The following RAP1A variants were observed in gnomAD, a reference collection of about 807,000 sequenced individuals.
RAP1A encodes the protein RAP1A, member of RAS oncogene family, also known as ras-related protein Rap-1A.
In RAP1A, 6 loss-of-function variants were observed where a neutral mutation model predicts 26.4. That is an observed-to-expected ratio of 0.23 (90% CI 0.12 to 0.45). The LOEUF is 0.45. Ranked by LOEUF, RAP1A falls within the 20% of genes least tolerant of loss-of-function variation. RAP1A has a pLI of 0.99. For synonymous variants in RAP1A, 73 were observed against 79.4 expected, an observed-to-expected ratio of 0.92 and a Z score of 0.43; for missense variants, 121 against 217.2, an observed-to-expected ratio of 0.56 and a Z score of 2.78.
At chr1:111,630,944 A>G (rs1359751146) in intron 1 of RAP1A, among the ~76,000 whole-genome samples, 1 of 152,222 alleles carries the variant, frequency 6.6e-6, no homozygotes, top group Admixed American at 6.5e-5. Context: ...TAGTTTTTCT[A>G]GACATACAGA....
intron 5 of RAP1A, 43 bp from the exon 6 acceptor site, chr1:111,704,300 A>T: frequency 6.3e-7 from 1 of 1,594,788 alleles, no homozygotes; most frequent in East Asian, 2.2e-5. Context: ...AGGCTAAGTA[A>T]TGAGTATGTT....
chr1:111,639,111 G>T (rs572450086), intron 1 of RAP1A, among the ~76,000 whole-genome samples: 6 of 151,744 alleles, frequency 4.0e-5, no homozygotes, highest in Non-Finnish European at 7.4e-5. Flanking sequence ...TGCTATCAAG[G>T]TTTTATTCTT....
At chr1:111,588,477 A>T (rs1296611075) in intron 1 of RAP1A, among the ~76,000 whole-genome samples, 1 of 152,206 alleles carries the variant, frequency 6.6e-6, no homozygotes, top group African/African-American at 2.4e-5. Flanking sequence ...GGATGGAATT[A>T]AAACATGGAA....
At chr1:111,638,867 CT>C (rs201185076) in intron 1 of RAP1A, among the ~76,000 whole-genome samples, 23,006 of 145,438 alleles carry the variant, frequency 0.16, 1,779 homozygotes, top group South Asian at 0.19. Context: ...TGGTTTTTAT[CT>C]TTTTTTTTTT....
intron 1 of RAP1A, among the ~76,000 whole-genome samples, chr1:111,625,477 A>G (rs1659369850): frequency 6.6e-6 from 1 of 152,202 alleles, no homozygotes; most frequent in Non-Finnish European, 1.5e-5. Flanking sequence ...TACATTTCAG[A>G]TATGTCAGAT....
intron 1 of RAP1A, among the ~76,000 whole-genome samples, chr1:111,585,533 C>T (rs1475983896): frequency 2.0e-5 from 3 of 151,722 alleles, no homozygotes; most frequent in Non-Finnish European, 4.4e-5. Context: ...TCTGAGCCAT[C>T]AAGCCATTAT....
chr1:111,715,740 T>A lies in RAP1A; in HGVS notation c.*3339T>A, dbSNP rs1363392575. Reference sequence around the variant, plus strand: ...TAATGTACTTGGAAAAGTTAATACTTATAGAAAATAATGATCTTTATTACC... The same window carrying A: ...TAATGTACTTGGAAAAGTTAATACTAATAGAAAATAATGATCTTTATTACC... On this transcript the variant is annotated 3_prime_UTR_variant, in exon 8 of 8. Coordinates refer to ENST00000369709, the MANE Select transcript of RAP1A (RefSeq NM_002884.4). 6.6e-6 allele frequency: 1 copy of A among 152,216 alleles called. No individual in the cohort carries two copies. The highest frequency in any genetic ancestry group is 1.5e-5 in the Non-Finnish European group (1 of 68,040). The allele number at this position is 152,216 out of a possible 1,614,324, so 9.4% of individuals were successfully genotyped here. A position where few individuals can be genotyped will look rare whatever the true frequency, so the allele number is the denominator to read the frequency against.
intron 1 of RAP1A, among the ~76,000 whole-genome samples, chr1:111,688,786 G>A (rs1271745578): frequency 2.0e-5 from 3 of 148,024 alleles, no homozygotes; most frequent in Admixed American, 6.7e-5. Flanking sequence ...TTACTTGGAT[G>A]TGTAGATGGG....
chr1:111,685,319 A>G (rs577029186), intron 1 of RAP1A, among the ~76,000 whole-genome samples: 1 of 152,334 alleles, frequency 6.6e-6, no homozygotes, highest in South Asian at 2.1e-4. Context: ...AAAAGAAACT[A>G]TCAGCAGAGC....
intron 1 of RAP1A, among the ~76,000 whole-genome samples, chr1:111,574,619 T>C (rs1292328262): frequency 3.3e-5 from 5 of 152,260 alleles, no homozygotes; most frequent in African/African-American, 1.2e-4. Context: ...GCTTGTGTTA[T>C]GTCTGATTTC....
intron 1 of RAP1A, among the ~76,000 whole-genome samples, chr1:111,555,909 T>A (rs1657470437): frequency 6.6e-6 from 1 of 152,094 alleles, no homozygotes; most frequent in Non-Finnish European, 1.5e-5. Flanking sequence ...AAAAAATCGA[T>A]AAATTGAACT....
intron 1 of RAP1A, 100 bp downstream of exon 1, chr1:111,620,034 C>G: frequency 2.5e-6 from 1 of 395,158 alleles, no homozygotes; most frequent in Non-Finnish European, 4.5e-6. Flanking sequence ...GGTCAGTCGC[C>G]TGGCTCCCCC....
chr1:111,558,141 G>A (rs899435722), intron 1 of RAP1A, among the ~76,000 whole-genome samples: 1 of 152,052 alleles, frequency 6.6e-6, no homozygotes. Context: ...ACAATAAACA[G>A]ACCAAACTCT....
chr1:111,667,192 G>A (rs1660820594), intron 1 of RAP1A, among the ~76,000 whole-genome samples: 1 of 152,076 alleles, frequency 6.6e-6, no homozygotes, highest in South Asian at 2.1e-4. Flanking sequence ...TTTGCCTGGA[G>A]GGTAACGGTT....
intron 1 of RAP1A, among the ~76,000 whole-genome samples, chr1:111,623,275 C>T (rs905749149): frequency 6.6e-6 from 1 of 152,074 alleles, no homozygotes; most frequent in African/African-American, 2.4e-5. Context: ...ATCCAGCCAC[C>T]TTGGCCTCCA....
At chr1:111,664,137 G>A (rs886163119) in intron 1 of RAP1A, among the ~76,000 whole-genome samples, 1 of 152,126 alleles carries the variant, frequency 6.6e-6, no homozygotes, top group African/African-American at 2.4e-5. Context: ...ACTTTGGGAG[G>A]CCACGGAGGG....
intron 7 of RAP1A, 106 bp downstream of exon 7, chr1:111,709,370 T>C: frequency 7.9e-7 from 1 of 1,266,714 alleles, no homozygotes. Flanking sequence ...TCTAAGCTTC[T>C]GTAACTTGTA....
intron 1 of RAP1A, among the ~76,000 whole-genome samples, chr1:111,634,485 A>G (rs538612425): frequency 1.0e-4 from 15 of 150,688 alleles, no homozygotes; most frequent in Admixed American, 3.3e-4. Flanking sequence ...AAAGACCTAG[A>G]TTATTATCTC....
intron 1 of RAP1A, among the ~76,000 whole-genome samples, chr1:111,580,027 C>T (rs559223599): frequency 6.6e-6 from 1 of 152,178 alleles, no homozygotes; most frequent in East Asian, 1.9e-4. Context: ...AACTCCTGAC[C>T]TCAGGTGATC....
Sources: gnomAD v4.1 joint callset for allele counts (sites outside exome capture counted in the v4.1 genomes callset) on GRCh38, gnomAD v4.1.1 for gene constraint, MANE v1.5 for transcripts, NCBI Gene and HGNC (gene_info 2026-07-23, HGNC 2026-07-21) for gene names.